The following NIT2 variants were observed in gnomAD, a reference collection of about 807,000 sequenced individuals.
NIT2 encodes nitrilase family member 2.
Under a neutral mutation model 42.7 loss-of-function variants are expected in NIT2, and 46 were observed. That is an observed-to-expected ratio of 1.08 (90% confidence interval 0.85 to 1.38). The LOEUF (loss-of-function observed/expected upper bound fraction) is 1.38, where lower values mean the gene tolerates loss of function less well. NIT2 is among the 40% of genes most tolerant of loss of function. NIT2 has a pLI of 0.00. For synonymous variants in NIT2, 123 were observed against 121.9 expected, an observed-to-expected ratio of 1.01 and a Z score of -0.06; for missense variants, 309 against 342.5, an observed-to-expected ratio of 0.90 and a Z score of 0.77.
Position 100,357,309 on chromosome 3 carries a change from T to C in NIT2, c.*2041T>C, listed in dbSNP as rs1375318524. 6.6e-6 allele frequency: 1 copy of C among 152,132 alleles called. No individual in the cohort carries two copies. The allele number at this position is 152,132 out of a possible 1,614,324, so 9.4% of individuals were successfully genotyped here. On this transcript the variant is annotated 3_prime_UTR_variant, in exon 10 of 10. Coordinates refer to ENST00000394140, the MANE Select transcript of NIT2 (RefSeq NM_020202.5). Reference sequence around the variant, plus strand: ...GAAATCATTTTCTTTTTTAAAAATATATTTTCTTACTTTTATATATTTTAC... The same window carrying C: ...GAAATCATTTTCTTTTTTAAAAATACATTTTCTTACTTTTATATATTTTAC...
At chr3:100,335,551 G>T (rs1328890431) in intron 1 of NIT2, among the ~76,000 whole-genome samples, 1 of 152,250 alleles carries the variant, frequency 6.6e-6, no homozygotes, top group African/African-American at 2.4e-5. Context: ...GAACTGCCCA[G>T]TGGCGGGGTT....
chr3:100,340,403 A>T (rs992264161), intron 3 of NIT2, among the ~76,000 whole-genome samples: 87 of 152,140 alleles, frequency 5.7e-4, no homozygotes, highest in Middle Eastern at 3.4e-3. Context: ...GAGAAAAAAA[A>T]TTTTTTTCCA....
intron 1 of NIT2, among the ~76,000 whole-genome samples, chr3:100,337,368 A>G (rs1295055658): frequency 1.3e-5 from 2 of 152,208 alleles, no homozygotes; most frequent in Non-Finnish European, 2.9e-5. Flanking sequence ...GTCCCACCAG[A>G]CCATAAGCAG....
At chr3:100,336,854 C>G (rs1463362578) in intron 1 of NIT2, among the ~76,000 whole-genome samples, 1 of 152,210 alleles carries the variant, frequency 6.6e-6, no homozygotes, top group Non-Finnish European at 1.5e-5. Context: ...TTGCACTAAT[C>G]CTCCTCAGCA....
At chr3:100,351,378 A>C (rs1427911743) in intron 7 of NIT2, among the ~76,000 whole-genome samples, 1 of 152,228 alleles carries the variant, frequency 6.6e-6, no homozygotes, top group Admixed American at 6.5e-5. Context: ...TACAGTAATC[A>C]AAACAGCATG....
rs1386747368 is a variant in NIT2 at position 100,357,008 on chromosome 3, G to A, written c.*1740G>A. On this transcript the variant is annotated 3_prime_UTR_variant, in exon 10 of 10. Coordinates refer to ENST00000394140, the MANE Select transcript of NIT2 (RefSeq NM_020202.5). ...AAAATTACTTCTTTCATTTTTAGAC[G>A]GAAGCATTTAGACCTCAAAATTACT... The A allele has an allele frequency of 2.0e-5, 3 of 152,018 alleles. No individual in the cohort carries two copies. The highest frequency in any genetic ancestry group is 7.3e-5 in the African/African-American group (3 of 41,362). 9.4% of individuals were successfully genotyped at this position (152,018 alleles called of 1,614,324 possible).
chr3:100,346,523 G>A (rs142061580), intron 6 of NIT2, among the ~76,000 whole-genome samples: 93 of 152,272 alleles, frequency 6.1e-4, no homozygotes, highest in African/African-American at 2.1e-3. Flanking sequence ...TACTGTGTTT[G>A]GAGAGTCACT....
rs1020221946 is a variant in NIT2 at position 100,356,161 on chromosome 3, G to A, written c.*893G>A. 5 of 152,202 alleles carry A rather than the reference G, an allele frequency of 3.3e-5. No individual in the cohort carries two copies. Among genetic ancestry groups the A allele is most frequent in the African/African-American group, 1.2e-4 (5 of 41,428 alleles). 9.4% of individuals were successfully genotyped at this position (152,202 alleles called of 1,614,324 possible). ...GTAGGAGGATCCCTTGAGTCCACAAGTTTGAGTTCAGCCAGAGACCCTATC... is the reference window on the plus strand; with the variant it reads ...GTAGGAGGATCCCTTGAGTCCACAAATTTGAGTTCAGCCAGAGACCCTATC... On this transcript the variant is annotated 3_prime_UTR_variant, in exon 10 of 10. Coordinates refer to ENST00000394140, the MANE Select transcript of NIT2 (RefSeq NM_020202.5).
At chr3:100,336,080 C>G (rs1317918306) in intron 1 of NIT2, among the ~76,000 whole-genome samples, 6 of 152,220 alleles carry the variant, frequency 3.9e-5, no homozygotes, top group Non-Finnish European at 8.8e-5. Context: ...AGGCTGCCTT[C>G]AGGGTTAAAT....
chr3:100,354,269 C>T (rs1706302783), intron 8 of NIT2, among the ~76,000 whole-genome samples: 1 of 152,338 alleles, frequency 6.6e-6, no homozygotes, highest in African/African-American at 2.4e-5. Flanking sequence ...GTATCACAGC[C>T]ACCAGGGCAG....
Position 100,355,346 on chromosome 3 carries a change from TGAA to T in NIT2, c.*81_*83del. On this transcript the variant is annotated 3_prime_UTR_variant, in exon 10 of 10. Transcript: ENST00000394140. Reference sequence around the variant, plus strand: ...ATCAACTCCCTATTAAATTCTTTAATGAAGATTTTTTTTTTAATTCGGCCTTGT... The same window carrying T: ...ATCAACTCCCTATTAAATTCTTTAATGATTTTTTTTTTAATTCGGCCTTGT... 1 of 1,164,390 alleles carries T rather than the reference TGAA, an allele frequency of 8.6e-7. No individual in the cohort carries two copies. Among genetic ancestry groups the T allele is most frequent in the Admixed American group, 2.3e-5 (1 of 43,456 alleles). 72.1% of individuals were successfully genotyped at this position (1,164,390 alleles called of 1,614,324 possible). A position where few individuals can be genotyped will look rare whatever the true frequency, so the allele number is the denominator to read the frequency against.
At position 100,356,945 on chromosome 3, in the gene NIT2, C is replaced by G. The variant is rs1706330732; in HGVS notation, c.*1677C>G. 6.6e-6 allele frequency: 1 copy of G among 152,198 alleles called. No individual in the cohort carries two copies. Among genetic ancestry groups the G allele is most frequent in the South Asian group, 2.1e-4 (1 of 4,828 alleles). The allele number at this position is 152,198 out of a possible 1,614,324, so 9.4% of individuals were successfully genotyped here. A position where few individuals can be genotyped will look rare whatever the true frequency, so the allele number is the denominator to read the frequency against. ...CAAAATTACTTCTTTCACTCAAAAT[C>G]ACTCAAAATTACATACTCTGTATGT... On this transcript the variant is annotated 3_prime_UTR_variant, in exon 10 of 10. Transcript: ENST00000394140.
chr3:100,342,603 A>G (rs1706168720), intron 4 of NIT2, among the ~76,000 whole-genome samples: 1 of 151,580 alleles, frequency 6.6e-6, no homozygotes, highest in Non-Finnish European at 1.5e-5. Context: ...TTCATATTAT[A>G]TCATTTCATG....
intron 2 of NIT2, 35 bp downstream of exon 2, chr3:100,339,240 T>G: frequency 7.6e-7 from 1 of 1,310,044 alleles, no homozygotes; most frequent in Non-Finnish European, 1.1e-6. Context: ...TTCTAGCCAC[T>G]GTACACCCAA....
rs1477258604 is a variant in NIT2 at position 100,356,493 on chromosome 3, AAC to A, written c.*1229_*1230del. On this transcript the variant is annotated 3_prime_UTR_variant, in exon 10 of 10. Transcript: ENST00000394140. ...GAAAGTAAAATGGAGAAAAATTTAAAACACAAGATACATGAGCACACATTCCA... is the reference window on the plus strand; with the variant it reads ...GAAAGTAAAATGGAGAAAAATTTAAAACAAGATACATGAGCACACATTCCA... The A allele has an allele frequency of 6.6e-6, 1 of 152,212 alleles. No homozygotes were observed. Among genetic ancestry groups the A allele is most frequent in the Non-Finnish European group, 1.5e-5 (1 of 68,036 alleles). The allele number at this position is 152,212 out of a possible 1,614,324, so 9.4% of individuals were successfully genotyped here. A position where few individuals can be genotyped will look rare whatever the true frequency, so the allele number is the denominator to read the frequency against.
chr3:100,339,782 G>C, intron 2 of NIT2, 33 bp from the exon 3 acceptor site: 1 of 1,591,372 alleles, frequency 6.3e-7, no homozygotes, highest in South Asian at 1.1e-5. Flanking sequence ...TGGGTGTTTT[G>C]ATCTTTTTTT....
At chr3:100,343,918 AAGTG>A (rs1187408323) in intron 4 of NIT2, among the ~76,000 whole-genome samples, 4 of 152,228 alleles carry the variant, frequency 2.6e-5, no homozygotes, top group African/African-American at 9.6e-5. Flanking sequence ...GTCTTCCAAA[AAGTG>A]TTGAATATTT....
chr3:100,343,404 C>T (rs1436162058), intron 4 of NIT2, among the ~76,000 whole-genome samples: 2 of 151,900 alleles, frequency 1.3e-5, no homozygotes, highest in Non-Finnish European at 2.9e-5. Flanking sequence ...AATACTTTTT[C>T]CTTCTCTTCT....
At chr3:100,344,185 CATTTTCACCACTACTTATCACAGCA>C (rs1706186110) in intron 4 of NIT2, among the ~76,000 whole-genome samples, 2 of 152,186 alleles carry the variant, frequency 1.3e-5, no homozygotes, top group South Asian at 4.1e-4. Context: ...GATTATGGGT[CATTTTCACCACTACTTATCACAGCA>C]ACTGGGACCT....
Sources: allele counts gnomAD v4.1 joint callset (sites outside exome capture counted in the v4.1 genomes callset), GRCh38; gene constraint gnomAD v4.1.1; transcripts MANE v1.5; gene names NCBI Gene and HGNC (gene_info 2026-07-23, HGNC 2026-07-21).